Variants in EPHA6 observed in about 807,000 individuals in gnomAD.
The protein encoded by EPHA6 is ephrin type-A receptor 6.
EPHA6 carries 50 observed loss-of-function variants against 112.0 expected under a neutral mutation model. That is an observed-to-expected ratio of 0.45 (90% confidence interval 0.36 to 0.56). EPHA6 has a LOEUF of 0.56. Ranked by LOEUF, EPHA6 falls within the 20% of genes least tolerant of loss-of-function variation. The pLI, the probability that EPHA6 is intolerant of heterozygous loss-of-function variation, is 0.00. For synonymous variants in EPHA6, 529 were observed against 490.7 expected (o/e 1.08, Z -1.03); for missense variants, 1,280 against 1,417.4 (o/e 0.90, Z 1.56).
At chr3:97,498,330 C>CAAAAAAA (rs1297962805) in intron 10 of EPHA6, among the ~76,000 whole-genome samples, 1 of 58,496 alleles carries the variant, frequency 1.7e-5, no homozygotes, top group Admixed American at 1.9e-4. Context: ...AAGAAAATAG[C>CAAAAAAA]AAAAAAAAAA....
At chr3:97,276,964 T>G (rs1392611211) in intron 5 of EPHA6, among the ~76,000 whole-genome samples, 1 of 151,580 alleles carries the variant, frequency 6.6e-6, no homozygotes, top group Non-Finnish European at 1.5e-5. Context: ...GGAGGGGCGG[T>G]GATAAAAAGA....
chr3:97,664,112 T>C (rs1018689532), intron 14 of EPHA6, among the ~76,000 whole-genome samples: 2 of 152,224 alleles, frequency 1.3e-5, no homozygotes, highest in African/African-American at 4.8e-5. Context: ...TTCATGTGTG[T>C]TTTGGCTGCA....
intron 14 of EPHA6, among the ~76,000 whole-genome samples, chr3:97,693,665 G>A (rs901352437): frequency 1.2e-4 from 19 of 152,138 alleles, no homozygotes; most frequent in African/African-American, 3.4e-4. Flanking sequence ...AAAATTAGCC[G>A]GGCATGGTGG....
chr3:97,723,584 T>C (rs1053870658), intron 15 of EPHA6, among the ~76,000 whole-genome samples: 3 of 152,160 alleles, frequency 2.0e-5, no homozygotes, highest in African/African-American at 7.2e-5. Flanking sequence ...CAGAGCTTGA[T>C]TGTTTTTCCA....
At chr3:97,167,715 C>T (rs1183790412) in intron 3 of EPHA6, among the ~76,000 whole-genome samples, 1 of 151,992 alleles carries the variant, frequency 6.6e-6, no homozygotes, top group East Asian at 1.9e-4. Context: ...AGACACTTTG[C>T]ATGAGGAACA....
At chr3:97,358,450 A>G (rs942097765) in intron 5 of EPHA6, among the ~76,000 whole-genome samples, 3 of 152,136 alleles carry the variant, frequency 2.0e-5, no homozygotes, top group African/African-American at 7.2e-5. Context: ...ATTGTAATGC[A>G]TTAGTTTTTA....
intron 3 of EPHA6, among the ~76,000 whole-genome samples, chr3:97,224,141 A>G (rs2078286040): frequency 6.6e-6 from 1 of 152,156 alleles, no homozygotes; most frequent in African/African-American, 2.4e-5. Context: ...TTATTAAAAT[A>G]TAATTTCACC....
At chr3:97,164,235 C>T (rs534277139) in intron 3 of EPHA6, among the ~76,000 whole-genome samples, 10 of 152,224 alleles carry the variant, frequency 6.6e-5, no homozygotes, top group African/African-American at 2.4e-4. Context: ...ATTTGTATTG[C>T]CAGATTGTGC....
chr3:97,406,376 G>A (rs1033490103), intron 6 of EPHA6, among the ~76,000 whole-genome samples: 2 of 152,134 alleles, frequency 1.3e-5, no homozygotes, highest in African/African-American at 4.8e-5. Flanking sequence ...GGGAGGGCAA[G>A]GCCAGGGTGA....
intron 8 of EPHA6, among the ~76,000 whole-genome samples, chr3:97,478,078 A>G (rs570863855): frequency 2.0e-5 from 3 of 151,892 alleles, no homozygotes; most frequent in Non-Finnish European, 2.9e-5. Flanking sequence ...CTTAAATGTG[A>G]TTTTATTTAA....
At chr3:97,221,308 C>CAAAAAAAAAA (rs57025573) in intron 3 of EPHA6, among the ~76,000 whole-genome samples, 1 of 16,404 alleles carries the variant, frequency 6.1e-5, no homozygotes, top group Non-Finnish European at 1.8e-4. Context: ...GACTCTGTCT[C>CAAAAAAAAAA]AAAAAAAAAA....
intron 3 of EPHA6, among the ~76,000 whole-genome samples, chr3:97,138,038 G>A (rs992793000): frequency 3.3e-5 from 5 of 152,090 alleles, no homozygotes; most frequent in African/African-American, 1.2e-4. Flanking sequence ...ATGACAGGAG[G>A]CACCAGGGAT....
Position 97,279,673 on chromosome 3 carries a change from G to A in EPHA6, c.1606+35386G>A, listed in dbSNP as rs899136981. On this transcript the variant is annotated intron_variant, in intron 5 of 17. Coordinates refer to ENST00000389672, the MANE Select transcript of EPHA6 (RefSeq NM_001080448.3). Reference sequence around the variant, plus strand: ...CTGGTTATGATCAAGGTGGATTCAAGGATGGAAGAATATAGAAAAGATTAT... The same window carrying A: ...CTGGTTATGATCAAGGTGGATTCAAAGATGGAAGAATATAGAAAAGATTAT... Among the ~76,000 whole-genome samples, 22 of 152,258 alleles carry A rather than the reference G, an allele frequency of 1.4e-4. 1 individual carries two copies. The highest frequency in any genetic ancestry group is 1.1e-3 in the Admixed American group (17 of 15,294).
chr3:97,125,081 A>G (rs2048147168), intron 3 of EPHA6, among the ~76,000 whole-genome samples: 1 of 152,206 alleles, frequency 6.6e-6, no homozygotes, highest in African/African-American at 2.4e-5. Context: ...GCAGGATATC[A>G]TAAAGGACTC....
chr3:97,588,212 C>A (rs1049605537), intron 11 of EPHA6, among the ~76,000 whole-genome samples: 35 of 152,118 alleles, frequency 2.3e-4, no homozygotes, highest in African/African-American at 8.0e-4. Flanking sequence ...GGTATACCCC[C>A]CTGCCCAATT....
intron 15 of EPHA6, among the ~76,000 whole-genome samples, chr3:97,720,748 T>G (rs2034491764): frequency 6.6e-6 from 1 of 152,186 alleles, no homozygotes; most frequent in Non-Finnish European, 1.5e-5. Context: ...GTTTCTTCCT[T>G]AGGGCAATTC....
In EPHA6 at chr3:97,584,838, G is replaced by A. The variant is rs183126891; in HGVS notation, c.2387-7774G>A. On this transcript the variant is annotated intron_variant, in intron 11 of 17. Transcript: ENST00000389672. ...CCAACCGCTAATAGGCAGTCCTCATGTGATTCATGATAAACCAATATGTTT... is the reference window on the plus strand; with the variant it reads ...CCAACCGCTAATAGGCAGTCCTCATATGATTCATGATAAACCAATATGTTT... Among the ~76,000 whole-genome samples, 5 of 152,302 alleles carry A rather than the reference G, an allele frequency of 3.3e-5. No homozygotes were observed. The East Asian group carries it at 7.7e-4, about 24-fold the overall frequency.
chr3:97,302,693 T>C (rs2081144340), intron 5 of EPHA6, among the ~76,000 whole-genome samples: 1 of 151,918 alleles, frequency 6.6e-6, no homozygotes, highest in South Asian at 2.1e-4. Context: ...CAGTTTGATC[T>C]TTGCCTGGAA....
At chr3:97,042,311 C>T (rs951607203) in intron 3 of EPHA6, among the ~76,000 whole-genome samples, 7 of 152,066 alleles carry the variant, frequency 4.6e-5, no homozygotes, top group Non-Finnish European at 8.8e-5. Flanking sequence ...CTGTTACGTG[C>T]CTGCTTCCCC....
Sources: gnomAD v4.1 joint callset for allele counts (sites outside exome capture counted in the v4.1 genomes callset) on GRCh38, gnomAD v4.1.1 for gene constraint, MANE v1.5 for transcripts, NCBI Gene and HGNC (gene_info 2026-07-23, HGNC 2026-07-21) for gene names.